Variants in LRP1B observed in about 807,000 individuals in gnomAD.
The protein encoded by LRP1B is LDL receptor related protein 1B, also known as low-density lipoprotein receptor-related protein 1B.
Under a neutral mutation model 556.6 loss-of-function variants are expected in LRP1B, and 217 were observed. That is an observed-to-expected ratio of 0.39 (90% CI 0.35 to 0.44). LRP1B has a LOEUF of 0.44. LRP1B is among the 20% of genes least tolerant of loss of function. The probability of loss-of-function intolerance (pLI) is 1.00; values close to 1 mark genes in which losing one functional copy is unlikely to be tolerated. For missense variants in LRP1B, 5,053 were observed against 5,620.8 expected, an observed-to-expected ratio of 0.90 and a Z score of 3.23; for synonymous variants, 2,047 against 1,865.8, an observed-to-expected ratio of 1.10 and a Z score of -2.50.
intron 88 of LRP1B, 134 bp downstream of exon 88, chr2:140,239,308 T>C (rs1247149407): frequency 1.9e-6 from 1 of 538,898 alleles, no homozygotes; most frequent in Non-Finnish European, 3.3e-6. Context: ...AGGTATAAAA[T>C]GATTTGAAAA....
At chr2:141,407,006 G>C (rs1690668830) in intron 3 of LRP1B, among the ~76,000 whole-genome samples, 1 of 151,976 alleles carries the variant, frequency 6.6e-6, no homozygotes, top group Non-Finnish European at 1.5e-5. Flanking sequence ...TTTCAAAAAG[G>C]ATCACATCTA....
chr2:141,857,562 C>T (rs955544817), intron 1 of LRP1B, among the ~76,000 whole-genome samples: 1 of 151,962 alleles, frequency 6.6e-6, no homozygotes, highest in Non-Finnish European at 1.5e-5. Context: ...GTCTTGAACT[C>T]CTGAGCTCAA....
chr2:141,280,185 T>C (rs995461558), intron 3 of LRP1B, among the ~76,000 whole-genome samples: 4 of 152,082 alleles, frequency 2.6e-5, no homozygotes, highest in African/African-American at 9.6e-5. Flanking sequence ...TACATGCACA[T>C]GCTCTGAATT....
At chr2:142,068,266 C>T (rs942009887) in intron 1 of LRP1B, among the ~76,000 whole-genome samples, 1 of 119,004 alleles carries the variant, frequency 8.4e-6, no homozygotes, top group South Asian at 2.5e-4. Flanking sequence ...ACTGAAAATA[C>T]CATAGGTGCT....
chr2:141,789,655 T>C (rs1363030849), intron 2 of LRP1B, among the ~76,000 whole-genome samples: 1 of 151,984 alleles, frequency 6.6e-6, no homozygotes, highest in African/African-American at 2.4e-5. Context: ...TGTCAGTGTT[T>C]TGGCTGCTAG....
At chr2:142,031,709 T>C (rs557270758) in intron 1 of LRP1B, among the ~76,000 whole-genome samples, 27 of 151,768 alleles carry the variant, frequency 1.8e-4, no homozygotes, top group Non-Finnish European at 3.5e-4. Flanking sequence ...ACTCTCTACG[T>C]CCATTGTTCA....
At chr2:141,245,504 C>T (rs1684033571) in intron 5 of LRP1B, among the ~76,000 whole-genome samples, 1 of 152,084 alleles carries the variant, frequency 6.6e-6, no homozygotes. Flanking sequence ...AGGGTGAGGG[C>T]ACCCATTAAT....
chr2:140,324,152 A>G, intron 80 of LRP1B, 86 bp from the exon 81 acceptor site: 1 of 730,578 alleles, frequency 1.4e-6, no homozygotes. Flanking sequence ...GATATTGAAA[A>G]CCTTATTACT....
chr2:140,811,390 C>G (rs1200478451), intron 32 of LRP1B, among the ~76,000 whole-genome samples: 2 of 152,140 alleles, frequency 1.3e-5, no homozygotes, highest in Admixed American at 1.3e-4. Flanking sequence ...AAAACACGGT[C>G]AGCAGCAATA....
chr2:140,463,757 C>T (rs2105332328), intron 60 of LRP1B, among the ~76,000 whole-genome samples: 1 of 152,248 alleles, frequency 6.6e-6, no homozygotes, highest in Middle Eastern at 3.4e-3. Flanking sequence ...AAGATCAGAG[C>T]TGACAGTGCC....
intron 41 of LRP1B, among the ~76,000 whole-genome samples, chr2:140,637,354 T>C (rs1026751476): frequency 1.5e-4 from 23 of 152,198 alleles, no homozygotes; most frequent in African/African-American, 5.5e-4. Flanking sequence ...ACTGGTAATT[T>C]CAATAACTGC....
intron 77 of LRP1B, among the ~76,000 whole-genome samples, chr2:140,341,045 A>G (rs1681365577): frequency 1.3e-5 from 2 of 151,632 alleles, no homozygotes; most frequent in African/African-American, 4.8e-5. Context: ...TGTTTCCAGA[A>G]TCATTAGGTA....
intron 1 of LRP1B, among the ~76,000 whole-genome samples, chr2:141,996,025 G>T (rs10193433): frequency 0.42 from 63,771 of 151,772 alleles, 14,238 homozygotes; most frequent in African/African-American, 0.57. Flanking sequence ...AGGCCAAGGC[G>T]GGCAGATCAT....
chr2:140,376,545 G>A (rs1683238863), intron 68 of LRP1B, among the ~76,000 whole-genome samples: 1 of 151,948 alleles, frequency 6.6e-6, no homozygotes, highest in South Asian at 2.1e-4. Flanking sequence ...TGGTAAATGA[G>A]TGTAAAAAAT....
chr2:141,648,826 C>T (rs1464976491), intron 2 of LRP1B, among the ~76,000 whole-genome samples: 3 of 152,172 alleles, frequency 2.0e-5, no homozygotes, highest in Non-Finnish European at 4.4e-5. Context: ...ACACCCTTCT[C>T]GGATGTGTTC....
In LRP1B at chr2:140,317,069, G is replaced by GAAAGTT. The variant is rs1351198473; in HGVS notation, c.12641-1976_12641-1971dup. ...TGGGTGAGCACTGGAGGAAATGAAT[G>GAAAGTT]AAAGTTACTGTGAGTGGACATGAAT... On this transcript the variant is annotated intron_variant, in intron 82 of 90. Coordinates refer to ENST00000389484, the MANE Select transcript of LRP1B (RefSeq NM_018557.3). 1.1e-4 allele frequency among the ~76,000 whole-genome samples: 16 copies of GAAAGTT among 152,260 alleles called. No individual in the cohort carries two copies. The Middle Eastern group carries it at 0.01, about 97-fold the overall frequency.
chr2:140,865,972 G>A (rs541382108), intron 27 of LRP1B, among the ~76,000 whole-genome samples: 65 of 152,178 alleles, frequency 4.3e-4, no homozygotes, highest in African/African-American at 1.5e-3. Context: ...TCATGCCAAT[G>A]CAGGCGAATT....
intron 79 of LRP1B, among the ~76,000 whole-genome samples, chr2:140,326,278 A>ATGAATTAGTATATGTATTTTT (rs2105065399): frequency 6.6e-6 from 1 of 152,292 alleles, no homozygotes; most frequent in Non-Finnish European, 1.5e-5. Flanking sequence ...ATTATTTAAA[A>ATGAATTAGTATATGTATTTTT]TGAATTAGTA....
At chr2:140,567,427 C>T (rs554907146) in intron 43 of LRP1B, among the ~76,000 whole-genome samples, 150 of 152,290 alleles carry the variant, frequency 9.8e-4, no homozygotes, top group Middle Eastern at 3.4e-3. Flanking sequence ...TTGCTCCTCA[C>T]GCCCAAACCT....
Sources: gnomAD v4.1 joint callset for allele counts (sites outside exome capture counted in the v4.1 genomes callset) on GRCh38, gnomAD v4.1.1 for gene constraint, MANE v1.5 for transcripts, NCBI Gene and HGNC (gene_info 2026-07-23, HGNC 2026-07-21) for gene names.